The following ZBTB7C variants were observed in gnomAD, a reference collection of about 807,000 sequenced individuals.
ZBTB7C encodes the protein zinc finger and BTB domain-containing protein 7C.
Under a neutral mutation model 25.7 loss-of-function variants are expected in ZBTB7C, and 8 were observed. That is an observed-to-expected ratio of 0.31 (90% CI 0.18 to 0.56). ZBTB7C has a LOEUF of 0.56. Among genes scored for constraint, ZBTB7C ranks in the 20% least tolerant of loss-of-function variants. The pLI is 0.91. For missense variants in ZBTB7C, 824 were observed against 855.2 expected (o/e 0.96, Z 0.46); for synonymous variants, 394 against 369.0 (o/e 1.07, Z -0.78).
chr18:48,368,712 C>G (rs912264570), intron 1 of ZBTB7C, among the ~76,000 whole-genome samples: 1 of 152,044 alleles, frequency 6.6e-6, no homozygotes, highest in Non-Finnish European at 1.5e-5. Context: ...TAAAATCTTA[C>G]CTATTAGGGG....
At chr18:48,390,305 T>A (rs1402160941) in intron 1 of ZBTB7C, among the ~76,000 whole-genome samples, 1 of 152,222 alleles carries the variant, frequency 6.6e-6, no homozygotes, top group African/African-American at 2.4e-5. Context: ...AAAAGTATCA[T>A]TTTTTGCTTA....
intron 2 of ZBTB7C, among the ~76,000 whole-genome samples, chr18:48,245,518 A>AAGTTATATAC (rs2043664757): frequency 2.8e-5 from 4 of 145,198 alleles, no homozygotes; most frequent in Non-Finnish European, 1.5e-5. Flanking sequence ...GAAAAAATGA[A>AAGTTATATAC]TTTTCTATGG....
intron 1 of ZBTB7C, among the ~76,000 whole-genome samples, chr18:48,367,202 T>TATATATATATATATATACAC (rs1302394192): frequency 9.5e-5 from 6 of 63,394 alleles, no homozygotes; most frequent in Admixed American, 6.5e-4. Flanking sequence ...TATATATATA[T>TATATATATATATATATACAC]ACACACACAC....
chr18:48,191,916 C>T (rs1422753246), intron 2 of ZBTB7C, among the ~76,000 whole-genome samples: 1 of 152,188 alleles, frequency 6.6e-6, no homozygotes, highest in East Asian at 1.9e-4. Flanking sequence ...CACAGGCTTA[C>T]CATAGACTCC....
At chr18:48,344,714 A>G (rs2046687495) in intron 1 of ZBTB7C, among the ~76,000 whole-genome samples, 1 of 152,244 alleles carries the variant, frequency 6.6e-6, no homozygotes, top group South Asian at 2.1e-4. Context: ...GCAACACAGA[A>G]GAATGCTTAT....
chr18:48,371,999 C>T (rs2047400039), intron 1 of ZBTB7C, among the ~76,000 whole-genome samples: 1 of 152,194 alleles, frequency 6.6e-6, no homozygotes, highest in East Asian at 1.9e-4. Flanking sequence ...ATGCCAATAA[C>T]ATCCACCAGC....
rs2036172421 is a variant in ZBTB7C at position 48,040,384 on chromosome 18, G to T, written c.724C>A (p.Pro242Thr). The change falls in exon 4 of 5, where the codon CCC (proline) becomes ACC (threonine). Residue 242 changes from proline (P) to threonine (T), a missense_variant. Pro to Thr is a conservative substitution (Grantham distance 38). Transcript: ENST00000590800. ...GGAGACAAGGAGGGTCTCCTGTCGG[G>T]GATGTTGGCCTTGGGGTACAGGTTC... Reference protein sequence around the residue: ...RENLYPKANIPDRRPSLSPFA... With the variant: ...RENLYPKANITDRRPSLSPFA... The T allele has an allele frequency of 3.7e-6, 6 of 1,612,204 alleles. No homozygotes were observed. The highest frequency in any genetic ancestry group is 5.1e-6 in the Non-Finnish European group (6 of 1,179,034).
chr18:48,110,091 G>A (rs8094799), intron 3 of ZBTB7C, among the ~76,000 whole-genome samples: 37,418 of 152,104 alleles, frequency 0.25, 5,100 homozygotes, highest in African/African-American at 0.35. Context: ...CTCTGTATGC[G>A]CTTTATTGAA....
intron 3 of ZBTB7C, among the ~76,000 whole-genome samples, chr18:48,139,934 T>C (rs189743168): frequency 1.3e-5 from 2 of 152,180 alleles, no homozygotes; most frequent in African/African-American, 2.4e-5. Context: ...CCTCCAGCCC[T>C]AGCCCTTCTC....
Position 48,271,575 on chromosome 18 carries a change from GTATTA to G in ZBTB7C, c.-79+66594_-79+66598del, listed in dbSNP as rs2044486921. ...TATATTATATAATTATATTTATAAG[GTATTA>G]TATTTATTTAATATATGTATCAAAT... is the stretch of plus-strand genomic sequence containing the variant. On this transcript the variant is annotated intron_variant, in intron 2 of 4. Transcript: ENST00000590800. Among the ~76,000 whole-genome samples the G allele has an allele frequency of 2.7e-5, 4 of 145,700 alleles. No individual in the cohort carries two copies. In the South Asian group the frequency reaches 6.6e-4, roughly 24 times the overall value.
At chr18:48,189,868 T>A (rs1237461371) in intron 2 of ZBTB7C, among the ~76,000 whole-genome samples, 1 of 152,168 alleles carries the variant, frequency 6.6e-6, no homozygotes, top group Non-Finnish European at 1.5e-5. Flanking sequence ...CCAAGCTCTG[T>A]CTCTCCTTGG....
intron 2 of ZBTB7C, among the ~76,000 whole-genome samples, chr18:48,322,485 C>G (rs1455615179): frequency 1.3e-5 from 2 of 152,224 alleles, no homozygotes; most frequent in Non-Finnish European, 2.9e-5. Flanking sequence ...GTCAGCACTT[C>G]TGAGAGACAG....
chr18:48,195,563 T>A (rs1048729620), intron 2 of ZBTB7C, among the ~76,000 whole-genome samples: 1 of 152,236 alleles, frequency 6.6e-6, no homozygotes, highest in African/African-American at 2.4e-5. Context: ...TTTTTCTTTA[T>A]AAAATTATCA....
At chr18:48,155,521 G>T (rs56273525) in intron 3 of ZBTB7C, among the ~76,000 whole-genome samples, 3 of 149,310 alleles carry the variant, frequency 2.0e-5, no homozygotes, top group Non-Finnish European at 4.4e-5. Context: ...TTTTTTAGTA[G>T]AGACGGGGTT....
chr18:48,307,405 G>A (rs2045701282), intron 2 of ZBTB7C, among the ~76,000 whole-genome samples: 1 of 152,254 alleles, frequency 6.6e-6, no homozygotes, highest in African/African-American at 2.4e-5. Context: ...TAGCTGAAAA[G>A]GATTTGCCCA....
intron 2 of ZBTB7C, among the ~76,000 whole-genome samples, chr18:48,305,413 C>A (rs944111546): frequency 3.3e-5 from 5 of 152,140 alleles, no homozygotes; most frequent in African/African-American, 9.7e-5. Context: ...TTGCTGCGGG[C>A]AAGCTAAAGT....
chr18:48,377,615 G>T (rs758987214), intron 1 of ZBTB7C, among the ~76,000 whole-genome samples: 6 of 152,194 alleles, frequency 3.9e-5, no homozygotes, highest in Non-Finnish European at 8.8e-5. Flanking sequence ...AACCCTTTTA[G>T]AACAACAGTA....
At chr18:48,110,156 C>T (rs1317144046) in intron 3 of ZBTB7C, among the ~76,000 whole-genome samples, 1 of 152,230 alleles carries the variant, frequency 6.6e-6, no homozygotes, top group Non-Finnish European at 1.5e-5. Context: ...CCAGACAAGG[C>T]ACAGTATTGT....
chr18:48,399,071 T>G (rs2048098305), intron 1 of ZBTB7C, among the ~76,000 whole-genome samples: 1 of 152,214 alleles, frequency 6.6e-6, no homozygotes, highest in African/African-American at 2.4e-5. Flanking sequence ...AAGGTATAAT[T>G]GTCAGACAGT....
Sources: gnomAD v4.1 joint callset for allele counts (sites outside exome capture counted in the v4.1 genomes callset) on GRCh38, gnomAD v4.1.1 for gene constraint, MANE v1.5 for transcripts, NCBI Gene and HGNC (gene_info 2026-07-23, HGNC 2026-07-21) for gene names.